Variants in MORN5 observed in about 807,000 individuals in gnomAD.
MORN5 encodes the protein MORN repeat-containing protein 5.
In MORN5, 21 loss-of-function variants were observed where a neutral mutation model predicts 22.1. That is an observed-to-expected ratio of 0.95 (90% CI 0.67 to 1.37). The LOEUF (loss-of-function observed/expected upper bound fraction) is 1.37. MORN5 is among the 40% of genes most tolerant of loss of function. The probability of loss-of-function intolerance (pLI) is 0.00; values close to 1 mark genes in which losing one functional copy is unlikely to be tolerated. For missense variants in MORN5, 211 were observed against 215.1 expected, an observed-to-expected ratio of 0.98 and a Z score of 0.12; for synonymous variants, 73 against 74.0, an observed-to-expected ratio of 0.99 and a Z score of 0.07.
intron 3 of MORN5, among the ~76,000 whole-genome samples, chr9:122,171,955 T>C (rs1260943981): frequency 7.3e-6 from 1 of 136,412 alleles, no homozygotes; most frequent in Non-Finnish European, 1.6e-5. Flanking sequence ...TCTTTTTTTT[T>C]TTTTTTTTTT....
chr9:122,184,897 A>T (rs943297191), intron 4 of MORN5, among the ~76,000 whole-genome samples: 5 of 152,224 alleles, frequency 3.3e-5, no homozygotes, highest in Non-Finnish European at 7.3e-5. Context: ...GTTGGAGTTT[A>T]CTAGTGCAAG....
intron 3 of MORN5, among the ~76,000 whole-genome samples, chr9:122,170,322 T>C (rs1271967709): frequency 6.9e-6 from 1 of 145,600 alleles, no homozygotes; most frequent in South Asian, 2.2e-4. Flanking sequence ...AAAATCAAAA[T>C]GGGGTCAATA....
intron 1 of MORN5, among the ~76,000 whole-genome samples, chr9:122,163,329 C>G (rs989214858): frequency 6.6e-6 from 1 of 152,164 alleles, no homozygotes; most frequent in African/African-American, 2.4e-5. Context: ...AGTAAACCTG[C>G]CCAAAGTCAC....
chr9:122,167,053 CCA>C, intron 2 of MORN5, 138 bp downstream of exon 2: 1 of 757,808 alleles, frequency 1.3e-6, no homozygotes. Flanking sequence ...CCCACTCCCC[CCA>C]CTTTTTTTTT....
intron 4 of MORN5, chr9:122,175,550 C>T: frequency 2.0e-6 from 2 of 985,338 alleles, no homozygotes; most frequent in Non-Finnish European, 2.4e-6. Flanking sequence ...AGATACGGAC[C>T]CTCTTGCCAG....
chr9:122,195,968 A>ATATTTATTTATTTATTTATTTATT (rs55879917), intron 4 of MORN5, among the ~76,000 whole-genome samples: 5,079 of 147,538 alleles, frequency 0.034, 111 homozygotes, highest in Non-Finnish European at 0.038. Context: ...ATTTTGTTTT[A>ATATTTATTTATTTATTTATTTATT]TATTTATTTA....
chr9:122,178,973 C>T (rs867601855), intron 4 of MORN5, among the ~76,000 whole-genome samples: 28 of 152,186 alleles, frequency 1.8e-4, no homozygotes, highest in Middle Eastern at 6.3e-3. Flanking sequence ...ATCATAACAG[C>T]ATAGAGTTGC....
chr9:122,186,094 C>A (rs1023653525), intron 4 of MORN5, among the ~76,000 whole-genome samples: 1 of 152,162 alleles, frequency 6.6e-6, no homozygotes, highest in Non-Finnish European at 1.5e-5. Flanking sequence ...ATCAAATGCC[C>A]GCACCAATCA....
At chr9:122,171,711 C>T (rs896580445) in intron 3 of MORN5, among the ~76,000 whole-genome samples, 1 of 152,158 alleles carries the variant, frequency 6.6e-6, no homozygotes, top group Non-Finnish European at 1.5e-5. Flanking sequence ...CTAATCCTCC[C>T]TTCCCCTGCC....
intron 3 of MORN5, among the ~76,000 whole-genome samples, chr9:122,171,622 C>T (rs925239217): frequency 6.6e-6 from 1 of 152,180 alleles, no homozygotes; most frequent in African/African-American, 2.4e-5. Context: ...TCGTTCTCAA[C>T]TTGTTTGCAC....
At position 122,174,119 on chromosome 9, in the gene MORN5, G is replaced by T. The variant is rs7853601; in HGVS notation, c.308-377G>T. ...ATCCATGCCTCTGGCCTCTGCCCAC[G>T]CTTTGAATGCCACCCCTCTTCTGGA... On this transcript the variant is annotated intron_variant, in intron 3 of 4. Coordinates refer to ENST00000373764, the MANE Select transcript of MORN5 (RefSeq NM_198469.4). Among the ~76,000 whole-genome samples, 1,436 of 152,220 alleles carry T rather than the reference G, an allele frequency of 9.4e-3. 18 individuals carry two copies. Among genetic ancestry groups the T allele is most frequent in the African/African-American group, 0.031 (1,292 of 41,532 alleles).
chr9:122,180,766 C>T (rs1477676055), intron 4 of MORN5, among the ~76,000 whole-genome samples: 1 of 152,170 alleles, frequency 6.6e-6, no homozygotes, highest in Admixed American at 6.5e-5. Context: ...CTCCTCTGTG[C>T]TTTCCAAGCC....
At chr9:122,166,642 G>T in intron 1 of MORN5, 126 bp from the exon 2 acceptor site, 1 of 881,784 alleles carries the variant, frequency 1.1e-6, no homozygotes. Context: ...TTTGTTTTCA[G>T]CAGAGTACTG....
intron 4 of MORN5, among the ~76,000 whole-genome samples, chr9:122,179,419 T>C (rs1829501753): frequency 6.6e-6 from 1 of 152,142 alleles, no homozygotes; most frequent in African/African-American, 2.4e-5. Context: ...GAGATCCTTC[T>C]GGTAAGATGA....
chr9:122,186,470 G>A (rs1829641056), intron 4 of MORN5, among the ~76,000 whole-genome samples: 1 of 152,092 alleles, frequency 6.6e-6, no homozygotes, highest in Admixed American at 6.5e-5. Context: ...ACAGAATTTT[G>A]CCTACAGAGG....
intron 2 of MORN5, 55 bp downstream of exon 2, chr9:122,166,970 C>T (rs1175378108): frequency 9.7e-6 from 15 of 1,542,164 alleles, no homozygotes; most frequent in Non-Finnish European, 8.8e-7. Context: ...GCAAGAAGAG[C>T]CTCACCCTCT....
chr9:122,178,681 T>G (rs1404727234), intron 4 of MORN5, among the ~76,000 whole-genome samples: 1 of 152,238 alleles, frequency 6.6e-6, no homozygotes, highest in Non-Finnish European at 1.5e-5. Context: ...AGGTTCCATT[T>G]GCCTTGAGCC....
chr9:122,170,395 G>A (rs1363139974), intron 3 of MORN5, among the ~76,000 whole-genome samples: 1 of 152,178 alleles, frequency 6.6e-6, no homozygotes, highest in East Asian at 1.9e-4. Flanking sequence ...TTAGAACAGT[G>A]CCTTGAATGC....
chr9:122,196,048 C>A (rs1382125161), intron 4 of MORN5, among the ~76,000 whole-genome samples: 1 of 151,926 alleles, frequency 6.6e-6, no homozygotes, highest in Non-Finnish European at 1.5e-5. Flanking sequence ...GCCTCAACCA[C>A]CCCAGGCTCA....
Sources: gnomAD v4.1 joint callset for allele counts (sites outside exome capture counted in the v4.1 genomes callset) on GRCh38, gnomAD v4.1.1 for gene constraint, MANE v1.5 for transcripts, NCBI Gene and HGNC (gene_info 2026-07-23, HGNC 2026-07-21) for gene names.